DLC1: variants seen among roughly 807,000 people sequenced by gnomAD.
DLC1 encodes DLC1 Rho GTPase activating protein.
DLC1 carries 54 observed loss-of-function variants against 140.3 expected under a neutral mutation model. That is an observed-to-expected ratio of 0.38 (90% CI 0.31 to 0.48). DLC1 has a LOEUF of 0.48. DLC1 is among the 20% of genes least tolerant of loss of function. The probability of loss-of-function intolerance (pLI) is 0.96; values close to 1 mark genes in which losing one functional copy is unlikely to be tolerated. For synonymous variants in DLC1, 986 were observed against 728.1 expected, an observed-to-expected ratio of 1.35 and a Z score of -5.70; for missense variants, 2,536 against 1,907.0, an observed-to-expected ratio of 1.33 and a Z score of -6.14.
At chr8:13,093,854 G>A (rs1417811536) in intron 12 of DLC1, among the ~76,000 whole-genome samples, 3 of 152,184 alleles carry the variant, frequency 2.0e-5, no homozygotes, top group Non-Finnish European at 2.9e-5. Context: ...ACCACACTGA[G>A]CCAAGAAAAA....
intron 5 of DLC1, among the ~76,000 whole-genome samples, chr8:13,194,995 G>A (rs1289986475): frequency 6.6e-6 from 1 of 152,150 alleles, no homozygotes; most frequent in Non-Finnish European, 1.5e-5. Flanking sequence ...GGGTGACAGA[G>A]CAAGATCCTG....
At chr8:13,516,087 G>C (rs1241193501), upstream of DLC1, among the ~76,000 whole-genome samples, 2 of 152,080 alleles carry the variant, frequency 1.3e-5, no homozygotes, top group African/African-American at 4.8e-5. Flanking sequence ...TTGCTTGGTG[G>C]AAATGGCTCA....
chr8:13,360,949 G>C (rs141913110), intron 4 of DLC1, among the ~76,000 whole-genome samples: 1 of 150,088 alleles, frequency 6.7e-6, no homozygotes, highest in Non-Finnish European at 1.5e-5. Flanking sequence ...AGACAATATT[G>C]GCTGGCTGCA....
intron 8 of DLC1, among the ~76,000 whole-genome samples, chr8:13,101,095 G>C (rs536562055): frequency 1.3e-5 from 2 of 152,020 alleles, no homozygotes; most frequent in South Asian, 2.1e-4. Flanking sequence ...TTTTTGTAGA[G>C]AGCAGTAGTC....
chr8:13,194,277 C>A (rs1489670888), intron 5 of DLC1, among the ~76,000 whole-genome samples: 2 of 152,238 alleles, frequency 1.3e-5, no homozygotes, highest in African/African-American at 4.8e-5. Context: ...CTTCCAAGGC[C>A]CTTATGCCAA....
At chr8:13,395,016 A>G (rs536738234) in intron 3 of DLC1, among the ~76,000 whole-genome samples, 10 of 85,896 alleles carry the variant, frequency 1.2e-4, no homozygotes, top group African/African-American at 5.7e-4. Flanking sequence ...CTATCTATCT[A>G]TCTATCTATC....
At chr8:13,569,008 C>G (rs1406600820) in intron 1 of DLC1, among the ~76,000 whole-genome samples, 6 of 152,168 alleles carry the variant, frequency 3.9e-5, no homozygotes, top group African/African-American at 7.2e-5. Flanking sequence ...AACAAATTAT[C>G]TAGATAGCCA....
At chr8:13,556,164 A>C (rs1258999039) in intron 1 of DLC1, among the ~76,000 whole-genome samples, 1 of 152,096 alleles carries the variant, frequency 6.6e-6, no homozygotes, top group African/African-American at 2.4e-5. Flanking sequence ...ATGTATAAGG[A>C]GCTCAGACAA....
intron 5 of DLC1, among the ~76,000 whole-genome samples, chr8:13,291,722 A>G (rs1442900786): frequency 2.0e-5 from 3 of 152,206 alleles, no homozygotes. Flanking sequence ...CAAAAATATT[A>G]TGTAGTATTC....
intron 4 of DLC1, among the ~76,000 whole-genome samples, chr8:13,371,887 G>A (rs1835747428): frequency 6.6e-6 from 1 of 152,058 alleles, no homozygotes; most frequent in Non-Finnish European, 1.5e-5. Flanking sequence ...TAAATGTAAT[G>A]TACAGACCAG....
At chr8:13,570,352 A>G (rs1017257016) in intron 1 of DLC1, among the ~76,000 whole-genome samples, 1 of 148,462 alleles carries the variant, frequency 6.7e-6, no homozygotes, top group African/African-American at 2.5e-5. Context: ...TGTGCAGGTT[A>G]GTTACATATG....
At chr8:13,479,852 A>G (rs1453504685) in intron 2 of DLC1, among the ~76,000 whole-genome samples, 4 of 100,304 alleles carry the variant, frequency 4.0e-5, no homozygotes, top group African/African-American at 1.8e-4. Flanking sequence ...AAGAAGAAGA[A>G]GAAGAAGAGA....
intron 5 of DLC1, chr8:13,276,579 C>G (rs1407883481): frequency 1.3e-5 from 17 of 1,262,210 alleles, no homozygotes; most frequent in Non-Finnish European, 1.5e-5. Context: ...GCCAAGCGCG[C>G]GCGGCGGCCA....
At chr8:13,234,794 T>A (rs928845398) in intron 5 of DLC1, among the ~76,000 whole-genome samples, 1 of 152,042 alleles carries the variant, frequency 6.6e-6, no homozygotes, top group Non-Finnish European at 1.5e-5. Context: ...TTAAATTTGG[T>A]GGGGATTATT....
intron 5 of DLC1, among the ~76,000 whole-genome samples, chr8:13,183,170 C>T (rs995794456): frequency 1.3e-5 from 2 of 152,252 alleles, no homozygotes; most frequent in South Asian, 4.2e-4. Context: ...GATTTTGTAT[C>T]CTGAGACTTT....
chr8:13,312,771 T>G (rs1399373699), intron 4 of DLC1, among the ~76,000 whole-genome samples: 1 of 152,180 alleles, frequency 6.6e-6, no homozygotes, highest in African/African-American at 2.4e-5. Context: ...GTATGATGAT[T>G]TGCCTGTGGT....
intron 5 of DLC1, chr8:13,132,833 G>T: frequency 7.5e-7 from 1 of 1,332,754 alleles, no homozygotes; most frequent in Non-Finnish European, 1.1e-6. Flanking sequence ...CGTTTAAAGA[G>T]CACAGAACAG....
intron 2 of DLC1, among the ~76,000 whole-genome samples, chr8:13,407,299 A>G (rs1226321541): frequency 6.6e-6 from 1 of 152,182 alleles, no homozygotes; most frequent in East Asian, 1.9e-4. Flanking sequence ...TAAAAGTGTC[A>G]GATTCTGTGA....
chr8:13,595,363 G>A (rs1245105246), intron 1 of DLC1, among the ~76,000 whole-genome samples: 1 of 151,980 alleles, frequency 6.6e-6, no homozygotes, highest in Non-Finnish European at 1.5e-5. Context: ...ATCAGTGAGT[G>A]TAGCATCTTT....
Sources: gnomAD v4.1 joint callset for allele counts (sites outside exome capture counted in the v4.1 genomes callset) on GRCh38, gnomAD v4.1.1 for gene constraint, MANE v1.5 for transcripts, NCBI Gene and HGNC (gene_info 2026-07-23, HGNC 2026-07-21) for gene names.